ARHGAP44: variants seen among roughly 807,000 people sequenced by gnomAD.
ARHGAP44 encodes the protein Rho GTPase activating protein 44.
ARHGAP44 carries 43 observed loss-of-function variants against 106.8 expected under a neutral mutation model. The ratio of observed to expected loss-of-function variants is 0.40; its 90% CI spans 0.32 to 0.52. The LOEUF is 0.52. ARHGAP44 is among the 20% of genes least tolerant of loss of function. The pLI is 0.48. For synonymous variants in ARHGAP44, 439 were observed against 410.3 expected, an observed-to-expected ratio of 1.07 and a Z score of -0.85; for missense variants, 866 against 1,050.5, an observed-to-expected ratio of 0.82 and a Z score of 2.43.
chr17:12,883,023 T>C (rs1461345081), intron 1 of ARHGAP44, among the ~76,000 whole-genome samples: 1 of 151,978 alleles, frequency 6.6e-6, no homozygotes, highest in African/African-American at 2.4e-5. Context: ...AAAATTTACC[T>C]GTAAAACATC....
chr17:12,854,176 A>G (rs11869893), intron 1 of ARHGAP44, among the ~76,000 whole-genome samples: 15,442 of 152,174 alleles, frequency 0.1, 1,178 homozygotes, highest in East Asian at 0.21. Flanking sequence ...GAGATGGCAC[A>G]GGAGGGTGCA....
At position 12,857,198 on chromosome 17, in the gene ARHGAP44, TC is replaced by T. The variant is rs1181347296; in HGVS notation, c.54-37740del. Among the ~76,000 whole-genome samples, 18 of 152,350 alleles carry T rather than the reference TC, an allele frequency of 1.2e-4. No individual in the cohort carries two copies. In the South Asian group the frequency reaches 1.7e-3, roughly 14 times the overall value. Reference sequence around the variant, plus strand: ...ATGTGCAAGGATCTGGTTAAATCCTTCCTGCTTAGGCCGAAGTGGCTGATGA... The same window carrying T: ...ATGTGCAAGGATCTGGTTAAATCCTTCTGCTTAGGCCGAAGTGGCTGATGA... On this transcript the variant is annotated intron_variant, in intron 1 of 20. Coordinates refer to ENST00000379672, the MANE Select transcript of ARHGAP44 (RefSeq NM_014859.6).
chr17:12,910,446 C>CTTTTTTT (rs3076662), intron 4 of ARHGAP44, among the ~76,000 whole-genome samples: 5 of 93,514 alleles, frequency 5.3e-5, no homozygotes, highest in Non-Finnish European at 9.6e-5. Flanking sequence ...CTTATGTAGC[C>CTTTTTTT]TTTTTTTTTT....
intron 19 of ARHGAP44, among the ~76,000 whole-genome samples, chr17:12,982,080 C>T (rs1488790834): frequency 1.3e-5 from 2 of 152,122 alleles, no homozygotes; most frequent in Admixed American, 6.5e-5. Flanking sequence ...GTCATTGTCT[C>T]GTCCAGTGGG....
chr17:12,823,992 A>G (rs1409089277), intron 1 of ARHGAP44, among the ~76,000 whole-genome samples: 1 of 152,106 alleles, frequency 6.6e-6, no homozygotes. Context: ...GGCATTGTGG[A>G]TCACTTTTTC....
At chr17:12,971,845 C>T (rs1366878340) in intron 16 of ARHGAP44, among the ~76,000 whole-genome samples, 1 of 152,112 alleles carries the variant, frequency 6.6e-6, no homozygotes, top group Non-Finnish European at 1.5e-5. Context: ...ATGAGAAGGC[C>T]TCTGGTGATG....
At chr17:12,916,656 A>G (rs1598049728) in intron 5 of ARHGAP44, among the ~76,000 whole-genome samples, 1 of 152,204 alleles carries the variant, frequency 6.6e-6, no homozygotes, top group East Asian at 1.9e-4. Context: ...AAGTGCTGGG[A>G]TTATAGGCGT....
intron 16 of ARHGAP44, among the ~76,000 whole-genome samples, chr17:12,969,325 G>A (rs17551362): frequency 0.1 from 15,691 of 152,066 alleles, 933 homozygotes; most frequent in South Asian, 0.2. Flanking sequence ...AGTCATATGC[G>A]CTTGGCACCT....
In ARHGAP44 at chr17:12,896,450, C is replaced by A; in HGVS notation, c.137C>A (p.Thr46Lys). The change falls in exon 3 of 21, where the codon ACG becomes AAG. Residue 46 changes from threonine (T) to lysine (K), a missense_variant. Transcript: ENST00000379672. ...LELVKQVSHS[T>K]HKKLTACLQG... ...CTGGTGAAACAGGTGTCCCACAGCA[C>A]GCACAAGAAGCTCACCGCATGTCTG... The A allele has an allele frequency of 6.2e-7, 1 of 1,609,786 alleles. No homozygotes were observed. Among genetic ancestry groups the A allele is most frequent in the Non-Finnish European group, 8.5e-7 (1 of 1,178,352 alleles).
At chr17:12,914,653 G>A (rs962752442) in intron 4 of ARHGAP44, among the ~76,000 whole-genome samples, 3 of 151,972 alleles carry the variant, frequency 2.0e-5, no homozygotes, top group African/African-American at 4.8e-5. Flanking sequence ...AAAATTAGCC[G>A]GGTGTGGTGG....
chr17:12,923,110 A>G (rs1403645135), intron 6 of ARHGAP44, among the ~76,000 whole-genome samples: 2 of 152,194 alleles, frequency 1.3e-5, no homozygotes, highest in East Asian at 3.8e-4. Context: ...CATTGTTTTC[A>G]TATAAACTTG....
chr17:12,974,797 T>C (rs2039633941), intron 18 of ARHGAP44, among the ~76,000 whole-genome samples: 1 of 151,890 alleles, frequency 6.6e-6, no homozygotes, highest in South Asian at 2.1e-4. Context: ...GGTAATAAAA[T>C]AGAAGAATTA....
intron 1 of ARHGAP44, among the ~76,000 whole-genome samples, chr17:12,841,825 A>G (rs2035417261): frequency 6.6e-6 from 1 of 152,012 alleles, no homozygotes; most frequent in African/African-American, 2.4e-5. Context: ...AGCTTATGTG[A>G]TTTGGGAGGC....
At chr17:12,971,117 G>C (rs2039517914) in intron 16 of ARHGAP44, among the ~76,000 whole-genome samples, 1 of 152,198 alleles carries the variant, frequency 6.6e-6, no homozygotes, top group South Asian at 2.1e-4. Context: ...TGGCACTGTA[G>C]CCTCTTTACA....
At chr17:12,970,782 T>C (rs2039510467) in intron 16 of ARHGAP44, among the ~76,000 whole-genome samples, 1 of 152,234 alleles carries the variant, frequency 6.6e-6, no homozygotes, top group Admixed American at 6.5e-5. Flanking sequence ...GCTTGTGAAC[T>C]GCTGATATAA....
chr17:12,913,320 C>T (rs2037796143), intron 4 of ARHGAP44, among the ~76,000 whole-genome samples: 1 of 151,510 alleles, frequency 6.6e-6, no homozygotes, highest in Non-Finnish European at 1.5e-5. Context: ...ATTTTGAATT[C>T]GATTGGGTAC....
chr17:12,990,153 T>C lies in ARHGAP44; in HGVS notation c.2439T>C (p.Ser813=), dbSNP rs976523760. 2 of 1,612,840 alleles carry C rather than the reference T, an allele frequency of 1.2e-6. No individual in the cohort carries two copies. The highest frequency in any genetic ancestry group is 1.7e-5 in the Admixed American group (1 of 59,976). ...VTDKRDSEEE[S]ESTAL ...ACAAGAGGGACTCGGAGGAGGAGTC[T>C]GAGAGCACCGCCCTCTGACATGACA... The change falls in exon 21 of 21, where the codon TCT becomes TCC. Residue 813 remains serine, a synonymous_variant. Transcript: ENST00000379672.
At chr17:12,818,569 A>G (rs1015187084) in intron 1 of ARHGAP44, among the ~76,000 whole-genome samples, 4 of 152,086 alleles carry the variant, frequency 2.6e-5, no homozygotes, top group East Asian at 3.8e-4. Flanking sequence ...GTGATCACCT[A>G]TGTATAAAAT....
intron 1 of ARHGAP44, among the ~76,000 whole-genome samples, chr17:12,869,290 G>A (rs1176719379): frequency 2.0e-5 from 3 of 152,148 alleles, no homozygotes; most frequent in Admixed American, 6.6e-5. Flanking sequence ...AACATATACT[G>A]TGTTTTCATA....
Sources: allele counts gnomAD v4.1 joint callset (sites outside exome capture counted in the v4.1 genomes callset), GRCh38; gene constraint gnomAD v4.1.1; transcripts MANE v1.5; gene names NCBI Gene and HGNC (gene_info 2026-07-23, HGNC 2026-07-21).